ATG5: variants seen among roughly 807,000 people sequenced by gnomAD.
ATG5 encodes the protein autophagy related 5, also known as autophagy protein 5.
A neutral mutation model predicts 36.5 loss-of-function variants in ATG5; 14 were observed. The observed-to-expected ratio is 0.38, with a 90% CI of 0.25 to 0.60. ATG5 has a LOEUF of 0.60. Ranked by LOEUF, ATG5 falls within the 20% of genes least tolerant of loss-of-function variation. The probability of loss-of-function intolerance (pLI) is 0.60; values close to 1 mark genes in which losing one functional copy is unlikely to be tolerated. For missense variants in ATG5, 195 were observed against 326.7 expected (o/e 0.60, Z 3.11); for synonymous variants, 95 against 101.5 (o/e 0.94, Z 0.38).
intron 6 of ATG5, among the ~76,000 whole-genome samples, chr6:106,221,678 C>T (rs1220945990): frequency 2.6e-4 from 37 of 141,842 alleles, no homozygotes; most frequent in African/African-American, 9.0e-4. Context: ...AGAGTGAGAC[C>T]CTGTCTCAAA....
At chr6:106,307,697 C>G (rs1173642029) in intron 3 of ATG5, among the ~76,000 whole-genome samples, 1 of 152,018 alleles carries the variant, frequency 6.6e-6, no homozygotes, top group Non-Finnish European at 1.5e-5. Context: ...CCACCACGCC[C>G]AACTAATTTT....
At chr6:106,281,039 C>T (rs1026315229) in intron 4 of ATG5, among the ~76,000 whole-genome samples, 1 of 152,054 alleles carries the variant, frequency 6.6e-6, no homozygotes, top group Non-Finnish European at 1.5e-5. Flanking sequence ...ACTGTATTCA[C>T]AAACAACATT....
chr6:106,257,052 A>C (rs76512942), intron 5 of ATG5, among the ~76,000 whole-genome samples: 11,478 of 152,284 alleles, frequency 0.075, 736 homozygotes, highest in Admixed American at 0.22. Flanking sequence ...TTTTAACTTA[A>C]GACTTTTTGT....
At chr6:106,321,829 C>G (rs1303741635) in intron 1 of ATG5, among the ~76,000 whole-genome samples, 1 of 152,126 alleles carries the variant, frequency 6.6e-6, no homozygotes, top group Non-Finnish European at 1.5e-5. Context: ...AGTTCTTTGA[C>G]AGCAAAATTT....
At chr6:106,202,792 G>T (rs1459504692) in intron 6 of ATG5, among the ~76,000 whole-genome samples, 1 of 152,150 alleles carries the variant, frequency 6.6e-6, no homozygotes, top group Non-Finnish European at 1.5e-5. Flanking sequence ...CTCCCAAGTA[G>T]CTGGGACTAC....
intron 1 of ATG5, among the ~76,000 whole-genome samples, chr6:106,324,187 C>T (rs1276896913): frequency 1.3e-5 from 2 of 151,928 alleles, no homozygotes; most frequent in Admixed American, 6.6e-5. Context: ...AAAAAATATT[C>T]GGGGAAGGAA....
rs930110367 is a variant in ATG5, at chr6:106,298,804, T to A, written c.237-5698A>T. On this transcript the variant is annotated intron_variant, in intron 3 of 7. Coordinates refer to ENST00000369076, the MANE Select transcript of ATG5 (RefSeq NM_004849.4). ...CTATCTGAATTCACTGGTTCCCAGA[T>A]TGCTTATTTCTAATGAATCTACTGA... is the stretch of plus-strand genomic sequence containing the variant. 5.3e-5 allele frequency among the ~76,000 whole-genome samples: 8 copies of A among 152,324 alleles called. No homozygotes were observed. The East Asian group carries it at 1.2e-3, about 22-fold the overall frequency.
chr6:106,206,242 C>T (rs558201653), intron 6 of ATG5, among the ~76,000 whole-genome samples: 3 of 119,776 alleles, frequency 2.5e-5, no homozygotes, highest in South Asian at 5.7e-4. Context: ...GCTTTTGCCC[C>T]TTCTGCCATG....
chr6:106,192,615 A>G (rs1226682583), intron 7 of ATG5, among the ~76,000 whole-genome samples: 1 of 152,142 alleles, frequency 6.6e-6, no homozygotes. Context: ...TCATACTTTA[A>G]ATATGGAGTA....
At chr6:106,191,643 C>T (rs1775969065) in intron 7 of ATG5, among the ~76,000 whole-genome samples, 1 of 152,086 alleles carries the variant, frequency 6.6e-6, no homozygotes, top group Non-Finnish European at 1.5e-5. Context: ...TCAGCAGCGA[C>T]CCTAGCACAG....
At chr6:106,220,959 T>C (rs113206177) in intron 6 of ATG5, among the ~76,000 whole-genome samples, 83 of 152,296 alleles carry the variant, frequency 5.4e-4, no homozygotes, top group African/African-American at 1.9e-3. Flanking sequence ...TATCCAATAG[T>C]AAAGTTGAAG....
chr6:106,262,824 C>G (rs1349527678), intron 5 of ATG5, among the ~76,000 whole-genome samples: 1 of 152,244 alleles, frequency 6.6e-6, no homozygotes, highest in Non-Finnish European at 1.5e-5. Context: ...GGTTACTACA[C>G]TTTTCCCATG....
chr6:106,194,458 T>C (rs573811938), intron 7 of ATG5, among the ~76,000 whole-genome samples: 172 of 152,336 alleles, frequency 1.1e-3, no homozygotes, highest in African/African-American at 4.0e-3. Flanking sequence ...TCTTGTCAAC[T>C]AATTCACTTT....
chr6:106,321,697 C>T (rs1771081500), intron 1 of ATG5, among the ~76,000 whole-genome samples: 1 of 152,154 alleles, frequency 6.6e-6, no homozygotes, highest in South Asian at 2.1e-4. Flanking sequence ...ATATCAGCTC[C>T]TTGGGAAGTT....
intron 4 of ATG5, among the ~76,000 whole-genome samples, chr6:106,287,775 CAAAG>C (rs940964460): frequency 6.6e-6 from 1 of 151,612 alleles, no homozygotes; most frequent in African/African-American, 2.4e-5. Context: ...TCAACATGGA[CAAAG>C]AGAGAAAAAA....
At position 106,197,418 on chromosome 6, in the gene ATG5, T is replaced by C. The variant is rs145634135; in HGVS notation, c.691+4554A>G. Among the ~76,000 whole-genome samples, 27 of 152,142 alleles carry C rather than the reference T, an allele frequency of 1.8e-4. No individual in the cohort carries two copies. The East Asian group carries it at 5.2e-3, about 29-fold the overall frequency. On this transcript the variant is annotated intron_variant, in intron 7 of 7. Coordinates refer to ENST00000369076, the MANE Select transcript of ATG5 (RefSeq NM_004849.4). ...TGGCTTAAATTTCATTTACTCCTAATTGATAAAATCATTTGTTATAGTGTG... is the reference window on the plus strand; with the variant it reads ...TGGCTTAAATTTCATTTACTCCTAACTGATAAAATCATTTGTTATAGTGTG...
chr6:106,312,911 T>G (rs956903143), intron 2 of ATG5, among the ~76,000 whole-genome samples: 4 of 152,212 alleles, frequency 2.6e-5, no homozygotes, highest in African/African-American at 4.8e-5. Context: ...AGGCAGAGAA[T>G]GACTATAAGC....
At chr6:106,315,620 T>C (rs1008243547) in intron 2 of ATG5, among the ~76,000 whole-genome samples, 7 of 152,118 alleles carry the variant, frequency 4.6e-5, no homozygotes, top group Admixed American at 1.3e-4. Flanking sequence ...TGTGTGTGTA[T>C]GTGTGCATGT....
intron 1 of ATG5, among the ~76,000 whole-genome samples, chr6:106,321,809 T>A (rs972879635): frequency 1.3e-5 from 2 of 152,178 alleles, no homozygotes; most frequent in Non-Finnish European, 2.9e-5. Flanking sequence ...CCTCCCCACA[T>A]TGAACTGGGA....
Sources: gnomAD v4.1 joint callset for allele counts (sites outside exome capture counted in the v4.1 genomes callset) on GRCh38, gnomAD v4.1.1 for gene constraint, MANE v1.5 for transcripts, NCBI Gene and HGNC (gene_info 2026-07-23, HGNC 2026-07-21) for gene names.